ASPA: variants seen among roughly 807,000 people sequenced by gnomAD.
ASPA encodes aspartoacylase.
ASPA carries 25 observed loss-of-function variants against 29.6 expected under a neutral mutation model. That is an observed-to-expected ratio of 0.85 (90% CI 0.62 to 1.18). The LOEUF (loss-of-function observed/expected upper bound fraction) is 1.18. ASPA is among the 50% of genes most tolerant of loss of function. The probability of loss-of-function intolerance (pLI) is 0.00; values close to 1 mark genes in which losing one functional copy is unlikely to be tolerated. For synonymous variants in ASPA, 131 were observed against 130.3 expected (o/e 1.01, Z -0.04); for missense variants, 333 against 385.7 (o/e 0.86, Z 1.14).
At chr17:3,482,473 G>C (rs1237324440) in intron 2 of ASPA, among the ~76,000 whole-genome samples, 1 of 152,158 alleles carries the variant, frequency 6.6e-6, no homozygotes, top group Non-Finnish European at 1.5e-5. Flanking sequence ...TCCTTCCTGA[G>C]AGCAAGGATG....
chr17:3,481,517 G>C, intron 1 of ASPA, 86 bp from the exon 2 acceptor site: 1 of 1,275,944 alleles, frequency 7.8e-7, no homozygotes. Context: ...TTTGGCGACT[G>C]GTTCTTTTTA....
At chr17:3,482,977 A>C (rs904090892) in intron 2 of ASPA, among the ~76,000 whole-genome samples, 1 of 127,218 alleles carries the variant, frequency 7.9e-6, no homozygotes, top group Non-Finnish European at 1.6e-5. Context: ...TATTGAAGAG[A>C]GAGCGGAATG....
chr17:3,476,286 A>C lies in ASPA; in HGVS notation c.127A>C (p.Arg43=). ...GCTAGAGAATGGCGCTGAGATTCAG[A>C]GAACAGGGCTGGAGGTAAAACCATT... The part of the protein sequence containing the change: ...HWLENGAEIQ[R]TGLEVKPFIT... Residue 43 remains arginine (R), a synonymous_variant, in exon 1 of 6, where the codon AGA becomes CGA. Transcript: ENST00000263080. 1 of 1,614,226 alleles carries C rather than the reference A, an allele frequency of 6.2e-7. No homozygotes were observed. The highest frequency in any genetic ancestry group is 8.5e-7 in the Non-Finnish European group (1 of 1,180,032).
intron 5 of ASPA, among the ~76,000 whole-genome samples, chr17:3,496,018 T>C (rs1457126887): frequency 6.6e-6 from 1 of 152,162 alleles, no homozygotes; most frequent in African/African-American, 2.4e-5. Context: ...AGGATACTCT[T>C]GAGGAGTACA....
At chr17:3,484,533 G>A (rs576968320) in intron 3 of ASPA, among the ~76,000 whole-genome samples, 7 of 152,088 alleles carry the variant, frequency 4.6e-5, no homozygotes, top group Non-Finnish European at 7.4e-5. Context: ...GGGGAGGAAA[G>A]GAAAAAAATT....
intron 1 of ASPA, among the ~76,000 whole-genome samples, chr17:3,480,326 A>G (rs1597428178): frequency 6.6e-6 from 1 of 152,266 alleles, no homozygotes; most frequent in African/African-American, 2.4e-5. Context: ...TATTACTCAA[A>G]TCAGTCTCCC....
intron 1 of ASPA, among the ~76,000 whole-genome samples, chr17:3,476,715 C>T (rs975163932): frequency 4.6e-5 from 7 of 152,132 alleles, no homozygotes; most frequent in Non-Finnish European, 1.0e-4. Flanking sequence ...AGATTTAATA[C>T]TCCTTTGCAT....
chr17:3,477,935 C>T (rs1280518940), intron 1 of ASPA, among the ~76,000 whole-genome samples: 4 of 151,802 alleles, frequency 2.6e-5, no homozygotes, highest in African/African-American at 4.8e-5. Context: ...GTAATCCCAA[C>T]ACTTTGGGAG....
intron 1 of ASPA, among the ~76,000 whole-genome samples, chr17:3,479,688 T>A (rs2073594196): frequency 6.6e-6 from 1 of 152,124 alleles, no homozygotes; most frequent in Admixed American, 6.6e-5. Flanking sequence ...TATCTCAAGA[T>A]GCCGGCTTTG....
At chr17:3,482,883 G>A (rs576154672) in intron 2 of ASPA, among the ~76,000 whole-genome samples, 4 of 150,184 alleles carry the variant, frequency 2.7e-5, no homozygotes, top group African/African-American at 9.8e-5. Context: ...TTGGTGTGCC[G>A]CACCCATTAA....
At chr17:3,483,723 T>C in intron 3 of ASPA, 131 bp downstream of exon 3, 2 of 852,372 alleles carry the variant, frequency 2.3e-6, no homozygotes, top group South Asian at 2.9e-5. Context: ...AGTCCGATGG[T>C]GTGATCTCAG....
In ASPA at chr17:3,478,494, T is replaced by C. The variant is rs80199767; in HGVS notation, c.236+2099T>C. Among the ~76,000 whole-genome samples, 643 of 152,326 alleles carry C rather than the reference T, an allele frequency of 4.2e-3. 7 individuals carry two copies. The highest frequency in any genetic ancestry group is 0.014 in the African/African-American group (584 of 41,574). Reference sequence around the variant, plus strand: ...GTCAACACAATTCATGCTTATCTATTGACCTAAGAGAGCTGTTAACTAACT... The same window carrying C: ...GTCAACACAATTCATGCTTATCTATCGACCTAAGAGAGCTGTTAACTAACT... On this transcript the variant is annotated intron_variant, in intron 1 of 5. Transcript: ENST00000263080.
chr17:3,483,804 A>G lies in ASPA; in HGVS notation c.526+212A>G, dbSNP rs540323927. 2.8e-4 allele frequency among the ~76,000 whole-genome samples: 42 copies of G among 152,268 alleles called. 1 individual carries two copies. In the South Asian group the frequency reaches 8.3e-3, roughly 30 times the overall value. Reference sequence around the variant, plus strand: ...CAAGCTCCCTAGTAGCTGGGATTACAGGCATGTGCCACCCTGTAATTTTTG... The same window carrying G: ...CAAGCTCCCTAGTAGCTGGGATTACGGGCATGTGCCACCCTGTAATTTTTG... On this transcript the variant is annotated intron_variant, in intron 3 of 5. Coordinates refer to ENST00000263080, the MANE Select transcript of ASPA (RefSeq NM_000049.4).
At chr17:3,494,194 G>C (rs2150758797) in intron 4 of ASPA, among the ~76,000 whole-genome samples, 156 bp from the exon 5 acceptor site, 1 of 152,072 alleles carries the variant, frequency 6.6e-6, no homozygotes, top group Non-Finnish European at 1.5e-5. Context: ...TAGTGGAGAT[G>C]GGGTTCACCA....
At chr17:3,497,298 G>A (rs1288244305) in intron 5 of ASPA, among the ~76,000 whole-genome samples, 1 of 152,160 alleles carries the variant, frequency 6.6e-6, no homozygotes. Context: ...CACCGGTTCA[G>A]AGAAATAGTT....
chr17:3,489,265 T>A lies in ASPA; in HGVS notation c.557T>A (p.Val186Asp), dbSNP rs747438350. The change falls in exon 4 of 6, where the codon GTT (valine) becomes GAT (aspartate). Residue 186 changes from valine (V) to aspartate (D), a missense_variant. Val to Asp is a radical substitution (Grantham distance 152). Coordinates refer to ENST00000263080, the MANE Select transcript of ASPA (RefSeq NM_000049.4). Reference protein sequence around the residue: ...GIEVGPQPQGVLRADILDQMR... With the variant: ...GIEVGPQPQGDLRADILDQMR... ...GAAGTTGGTCCTCAGCCTCAAGGGGTTCTGAGAGCTGATATCTTGGATCAA... is the reference window on the plus strand; with the variant it reads ...GAAGTTGGTCCTCAGCCTCAAGGGGATCTGAGAGCTGATATCTTGGATCAA... 1 of 1,612,778 alleles carries A rather than the reference T, an allele frequency of 6.2e-7. No individual in the cohort carries two copies. Among genetic ancestry groups the A allele is most frequent in the Non-Finnish European group, 8.5e-7 (1 of 1,179,682 alleles).
In ASPA at chr17:3,501,956, A is replaced by C. The variant is rs1288130611; in HGVS notation, c.*2868A>C. 364 of 151,684 alleles carry C rather than the reference A, an allele frequency of 2.4e-3. No individual in the cohort carries two copies. The highest frequency in any genetic ancestry group is 8.6e-3 in the African/African-American group (354 of 41,392). 9.4% of individuals were successfully genotyped at this position (151,684 alleles called of 1,614,324 possible). A position where few individuals can be genotyped will look rare whatever the true frequency, so the allele number is the denominator to read the frequency against. On this transcript the variant is annotated 3_prime_UTR_variant, in exon 6 of 6. Transcript: ENST00000263080. Reference sequence around the variant, plus strand: ...GGACACAGCAAGCCTCCATCTCAAAAAAAAAAAAAAAAAAAAAATGAGTTC... The same window carrying C: ...GGACACAGCAAGCCTCCATCTCAAACAAAAAAAAAAAAAAAAAATGAGTTC...
intron 3 of ASPA, among the ~76,000 whole-genome samples, chr17:3,487,713 G>T (rs1418147423): frequency 6.6e-6 from 1 of 152,124 alleles, no homozygotes; most frequent in Non-Finnish European, 1.5e-5. Flanking sequence ...TTGACTAGGG[G>T]ATTATTATGA....
At chr17:3,491,776 T>C (rs756645067) in intron 4 of ASPA, among the ~76,000 whole-genome samples, 3 of 150,012 alleles carry the variant, frequency 2.0e-5, no homozygotes, top group African/African-American at 4.9e-5. Context: ...GAAAGAAGTC[T>C]ACATTAGAAA....
Sources: gnomAD v4.1 joint callset for allele counts (sites outside exome capture counted in the v4.1 genomes callset) on GRCh38, gnomAD v4.1.1 for gene constraint, MANE v1.5 for transcripts, NCBI Gene and HGNC (gene_info 2026-07-23, HGNC 2026-07-21) for gene names.